Variants in PLCB4 observed in about 807,000 individuals in gnomAD.
PLCB4 encodes phospholipase C beta 4.
Under a neutral mutation model 178.8 loss-of-function variants are expected in PLCB4, and 77 were observed. That is an observed-to-expected ratio of 0.43 (90% CI 0.36 to 0.52). The LOEUF is 0.52. Among genes scored for constraint, PLCB4 ranks in the 20% least tolerant of loss-of-function variants. The pLI is 0.00. For synonymous variants in PLCB4, 496 were observed against 490.8 expected, an observed-to-expected ratio of 1.01 and a Z score of -0.14; for missense variants, 1,024 against 1,453.4, an observed-to-expected ratio of 0.70 and a Z score of 4.80.
chr20:9,186,841 C>T (rs1205234641), intron 2 of PLCB4, among the ~76,000 whole-genome samples: 3 of 152,156 alleles, frequency 2.0e-5, no homozygotes, highest in African/African-American at 7.2e-5. Context: ...AGGAAACCCC[C>T]AATGAAACCA....
intron 12 of PLCB4, among the ~76,000 whole-genome samples, chr20:9,373,613 A>G (rs1358851040): frequency 6.6e-6 from 1 of 152,182 alleles, no homozygotes; most frequent in Non-Finnish European, 1.5e-5. Flanking sequence ...AACAAGCAAA[A>G]CACTTGAGTT....
At chr20:9,395,849 G>C (rs906581699) in intron 19 of PLCB4, among the ~76,000 whole-genome samples, 2 of 152,072 alleles carry the variant, frequency 1.3e-5, no homozygotes, top group African/African-American at 4.8e-5. Context: ...GCCTGTGTCT[G>C]TAGTCCCAGC....
At chr20:9,318,406 G>A (rs1396037193) in intron 4 of PLCB4, among the ~76,000 whole-genome samples, 1 of 151,976 alleles carries the variant, frequency 6.6e-6, no homozygotes, top group Non-Finnish European at 1.5e-5. Context: ...GGGTCCAGGT[G>A]GAGACATGGG....
intron 2 of PLCB4, among the ~76,000 whole-genome samples, chr20:9,211,811 A>G (rs759556602): frequency 3.9e-5 from 6 of 152,212 alleles, no homozygotes; most frequent in Non-Finnish European, 7.3e-5. Flanking sequence ...TGCATTCTAC[A>G]TTACCTCTCC....
intron 28 of PLCB4, among the ~76,000 whole-genome samples, chr20:9,427,460 G>C (rs62194843): frequency 1.3e-5 from 2 of 151,660 alleles, no homozygotes; most frequent in Non-Finnish European, 2.9e-5. Flanking sequence ...GCTACAAAAC[G>C]TAAAGAAAAA....
At chr20:9,450,974 T>C (rs1168406560) in intron 32 of PLCB4, among the ~76,000 whole-genome samples, 2 of 152,136 alleles carry the variant, frequency 1.3e-5, no homozygotes, top group Non-Finnish European at 2.9e-5. Flanking sequence ...AATAAAGACA[T>C]TGAGGCCTGG....
chr20:9,204,387 C>A (rs1031168521), intron 2 of PLCB4, among the ~76,000 whole-genome samples: 6 of 151,914 alleles, frequency 3.9e-5, no homozygotes, highest in Non-Finnish European at 7.4e-5. Context: ...GGGATCGAGT[C>A]TTGCTCTGTT....
chr20:9,469,826 G>A (rs2044062050), intron 36 of PLCB4, among the ~76,000 whole-genome samples: 1 of 152,154 alleles, frequency 6.6e-6, no homozygotes, highest in Admixed American at 6.6e-5. Context: ...CAATAGTCAT[G>A]TTACCCAAGG....
intron 2 of PLCB4, among the ~76,000 whole-genome samples, chr20:9,143,770 A>G (rs1450784351): frequency 6.6e-6 from 1 of 152,150 alleles, no homozygotes; most frequent in East Asian, 1.9e-4. Flanking sequence ...GTAACTATTC[A>G]TGGCCAATTA....
chr20:9,382,656 T>TA (rs2037245215), intron 13 of PLCB4, among the ~76,000 whole-genome samples: 1 of 152,212 alleles, frequency 6.6e-6, no homozygotes, highest in Non-Finnish European at 1.5e-5. Context: ...CTCACACATG[T>TA]ACGTGACCTC....
At chr20:9,268,107 G>T (rs1382011376) in intron 3 of PLCB4, among the ~76,000 whole-genome samples, 2 of 152,242 alleles carry the variant, frequency 1.3e-5, no homozygotes, top group East Asian at 1.9e-4. Flanking sequence ...CCAGTTTCAG[G>T]TATTCTATTA....
At chr20:9,117,478 C>T (rs2091819953) in intron 2 of PLCB4, among the ~76,000 whole-genome samples, 1 of 152,164 alleles carries the variant, frequency 6.6e-6, no homozygotes, top group African/African-American at 2.4e-5. Flanking sequence ...TGACTGATTT[C>T]CTGTGTCCAT....
At chr20:9,241,397 C>G (rs1429085501) in intron 3 of PLCB4, among the ~76,000 whole-genome samples, 1 of 151,246 alleles carries the variant, frequency 6.6e-6, no homozygotes, top group Non-Finnish European at 1.5e-5. Context: ...CATACACACA[C>G]ACACACACAC....
At chr20:9,240,929 G>A (rs900596611) in intron 3 of PLCB4, among the ~76,000 whole-genome samples, 8 of 152,084 alleles carry the variant, frequency 5.3e-5, no homozygotes, top group African/African-American at 1.4e-4. Flanking sequence ...CTTTGTTACT[G>A]CATTTCCTGG....
At chr20:9,421,176 C>T (rs2040606382) in intron 26 of PLCB4, 121 bp from the exon 27 acceptor site, 4 of 683,310 alleles carry the variant, frequency 5.9e-6, no homozygotes, top group Non-Finnish European at 7.2e-6. Context: ...ACATTATTGC[C>T]ATAGATAATT....
chr20:9,459,595 A>C (rs572164216), intron 34 of PLCB4, 40 bp from the exon 35 acceptor site: 1 of 1,513,742 alleles, frequency 6.6e-7, no homozygotes, highest in African/African-American at 1.4e-5. Context: ...TACCTGACCT[A>C]TGAGGATTAC....
At chr20:9,469,861 C>G (rs1026141962) in intron 36 of PLCB4, among the ~76,000 whole-genome samples, 1 of 152,184 alleles carries the variant, frequency 6.6e-6, no homozygotes, top group African/African-American at 2.4e-5. Flanking sequence ...TCCCAGCGAT[C>G]ACCAGTGCTG....
In PLCB4 at chr20:9,371,265, A is replaced by T; in HGVS notation, c.555A>T (p.Ala185=). 1 of 1,609,160 alleles carries T rather than the reference A, an allele frequency of 6.2e-7. No homozygotes were observed. Among genetic ancestry groups the T allele is most frequent in the South Asian group, 1.1e-5 (1 of 90,972 alleles). Residue 185 remains alanine, a synonymous_variant, in exon 10 of 40, where the codon GCA becomes GCT. Coordinates refer to ENST00000378473, the MANE Select transcript of PLCB4 (RefSeq NM_001377142.1). ...AAACAGAAAAGGTGATCTTTCAAGC[A>T]CTCAAGGAGTTAGGTCTTCCCAGTG... is the stretch of plus-strand genomic sequence containing the variant. ...SGKTEKVIFQ[A]LKELGLPSGK...
At chr20:9,389,981 A>C in intron 16 of PLCB4, 23 bp downstream of exon 16, 1 of 1,280,136 alleles carries the variant, frequency 7.8e-7, no homozygotes, top group Non-Finnish European at 1.1e-6. Context: ...ATTCTGCCAC[A>C]AGTCTCTATG....
Sources: allele counts gnomAD v4.1 joint callset (sites outside exome capture counted in the v4.1 genomes callset), GRCh38; gene constraint gnomAD v4.1.1; transcripts MANE v1.5; gene names NCBI Gene and HGNC (gene_info 2026-07-23, HGNC 2026-07-21).